NELL1: variants seen among roughly 807,000 people sequenced by gnomAD.
NELL1 encodes the protein neural EGFL like 1.
NELL1 carries 76 observed loss-of-function variants against 107.4 expected under a neutral mutation model. That is an observed-to-expected ratio of 0.71 (90% CI 0.59 to 0.86). NELL1 has a LOEUF of 0.86. Among genes scored for constraint, NELL1 ranks in the 40% least tolerant of loss-of-function variants. NELL1 has a pLI of 0.00. For missense variants in NELL1, 1,024 were observed against 1,005.5 expected, an observed-to-expected ratio of 1.02 and a Z score of -0.25; for synonymous variants, 353 against 341.2, an observed-to-expected ratio of 1.03 and a Z score of -0.38.
At chr11:21,311,538 C>T (rs7941803) in intron 14 of NELL1, among the ~76,000 whole-genome samples, 2,280 of 152,090 alleles carry the variant, frequency 0.015, 64 homozygotes, top group African/African-American at 0.051. Flanking sequence ...ACTGTGTAGC[C>T]GGGATCCTGT....
chr11:21,543,919 T>A (rs1017773864), intron 16 of NELL1, among the ~76,000 whole-genome samples: 1 of 151,670 alleles, frequency 6.6e-6, no homozygotes, highest in East Asian at 1.9e-4. Flanking sequence ...TTTCTAGGAG[T>A]TTCTAAACAT....
chr11:21,441,204 T>C (rs917709050), intron 15 of NELL1, among the ~76,000 whole-genome samples: 2 of 152,196 alleles, frequency 1.3e-5, no homozygotes, highest in Non-Finnish European at 2.9e-5. Flanking sequence ...TCTTTATTTC[T>C]TCTATCTCAA....
rs933539253 is a variant in NELL1 at position 21,065,278 on chromosome 11, G to A, written c.1301-48311G>A. The stretch of plus-strand genomic sequence containing the variant: ...AGCTTCATAAAGGCAGGATTTTAGA[G>A]AAATCCAAGTGTTTACCATGTCCTA... On this transcript the variant is annotated intron_variant, in intron 12 of 19. Transcript: ENST00000357134. Among the ~76,000 whole-genome samples, 3 of 152,000 alleles carry A rather than the reference G, an allele frequency of 2.0e-5. No individual in the cohort carries two copies. In the South Asian group the frequency reaches 6.2e-4, roughly 32 times the overall value.
chr11:20,911,166 A>G (rs1850123489), intron 5 of NELL1, among the ~76,000 whole-genome samples: 1 of 152,224 alleles, frequency 6.6e-6, no homozygotes, highest in Non-Finnish European at 1.5e-5. Context: ...CTTGAGCTCA[A>G]ATACCTGGTA....
At chr11:21,113,032 G>T (rs1033044713) in intron 12 of NELL1, among the ~76,000 whole-genome samples, 1 of 151,894 alleles carries the variant, frequency 6.6e-6, no homozygotes, top group African/African-American at 2.4e-5. Flanking sequence ...TATCACATGG[G>T]GAGGAGCTCC....
chr11:21,432,204 T>C (rs1278878411), intron 15 of NELL1, among the ~76,000 whole-genome samples: 1 of 152,136 alleles, frequency 6.6e-6, no homozygotes, highest in Non-Finnish European at 1.5e-5. Flanking sequence ...ATACTATACA[T>C]ATTTACTGAT....
intron 3 of NELL1, among the ~76,000 whole-genome samples, chr11:20,809,747 C>A (rs946905988): frequency 1.3e-5 from 2 of 152,160 alleles, no homozygotes; most frequent in African/African-American, 4.8e-5. Context: ...GTATATACCA[C>A]ATATTTTAAA....
intron 3 of NELL1, among the ~76,000 whole-genome samples, chr11:20,798,022 ATCT>A (rs2133998570): frequency 6.6e-6 from 1 of 152,358 alleles, no homozygotes; most frequent in African/African-American, 2.4e-5. Flanking sequence ...GAGACAAGAC[ATCT>A]GGATTCTGAG....
chr11:21,076,381 A>C (rs1332087079), intron 12 of NELL1, among the ~76,000 whole-genome samples: 2 of 152,224 alleles, frequency 1.3e-5, no homozygotes, highest in Non-Finnish European at 2.9e-5. Context: ...GTTATTTCAC[A>C]CACAGTGGTG....
At chr11:21,294,979 G>A (rs1433831656) in intron 14 of NELL1, among the ~76,000 whole-genome samples, 4 of 152,086 alleles carry the variant, frequency 2.6e-5, no homozygotes, top group Admixed American at 6.6e-5. Flanking sequence ...GAGACAGAAT[G>A]AGAATCCACA....
At chr11:20,829,186 A>G (rs1857950137) in intron 3 of NELL1, among the ~76,000 whole-genome samples, 1 of 151,606 alleles carries the variant, frequency 6.6e-6, no homozygotes, top group South Asian at 2.1e-4. Context: ...CCATGATAAA[A>G]TTATGAAAAT....
chr11:20,758,059 A>G (rs540603235), intron 2 of NELL1, among the ~76,000 whole-genome samples: 2 of 152,244 alleles, frequency 1.3e-5, no homozygotes, highest in South Asian at 4.1e-4. Context: ...CTCTTCTTGT[A>G]AGGGCACTTA....
At chr11:21,174,609 A>T (rs961825748) in intron 13 of NELL1, among the ~76,000 whole-genome samples, 1 of 151,808 alleles carries the variant, frequency 6.6e-6, no homozygotes, top group Admixed American at 6.6e-5. Flanking sequence ...ATGGAAGGAC[A>T]TGTGGGAGTA....
At chr11:20,954,250 A>G (rs941507091) in intron 11 of NELL1, among the ~76,000 whole-genome samples, 2 of 152,230 alleles carry the variant, frequency 1.3e-5, no homozygotes, top group Non-Finnish European at 2.9e-5. Context: ...TGTTCAATAA[A>G]TGTTAATTAT....
chr11:20,675,177 A>G (rs1162258141), intron 1 of NELL1, among the ~76,000 whole-genome samples: 1 of 152,192 alleles, frequency 6.6e-6, no homozygotes, highest in African/African-American at 2.4e-5. Context: ...CGCTGCCTGA[A>G]TAATGTTACT....
chr11:20,885,581 C>A (rs1057328861), intron 5 of NELL1, 41 bp downstream of exon 5: 2 of 1,197,158 alleles, frequency 1.7e-6, no homozygotes, highest in Non-Finnish European at 2.5e-6. Flanking sequence ...TATATATAGG[C>A]GATGCTCAGT....
In NELL1 at chr11:20,833,085, T is replaced by C. The variant is rs561652720; in HGVS notation, c.336-14498T>C. The stretch of plus-strand genomic sequence containing the variant: ...TGTGTTGATTCTTATAGTTCTTTCT[T>C]CCAAGAGGGCCTGGCTTAGGCATCA... On this transcript the variant is annotated intron_variant, in intron 3 of 19. Transcript: ENST00000357134. 1.3e-4 allele frequency among the ~76,000 whole-genome samples: 20 copies of C among 152,300 alleles called. 1 individual carries two copies. Among genetic ancestry groups the C allele is most frequent in the African/African-American group, 3.8e-4 (16 of 41,572 alleles).
At chr11:20,835,568 T>C (rs1321532705) in intron 3 of NELL1, among the ~76,000 whole-genome samples, 2 of 152,172 alleles carry the variant, frequency 1.3e-5, no homozygotes, top group Non-Finnish European at 2.9e-5. Flanking sequence ...TTACATTAAT[T>C]GAAAAAAGTA....
chr11:21,527,021 T>C (rs1855872308), intron 15 of NELL1, among the ~76,000 whole-genome samples: 1 of 152,240 alleles, frequency 6.6e-6, no homozygotes, highest in African/African-American at 2.4e-5. Flanking sequence ...TCTCTTCTAC[T>C]GCACCATTAG....
Sources: allele counts gnomAD v4.1 joint callset (sites outside exome capture counted in the v4.1 genomes callset), GRCh38; gene constraint gnomAD v4.1.1; transcripts MANE v1.5; gene names NCBI Gene and HGNC (gene_info 2026-07-23, HGNC 2026-07-21).